DENND1B: variants seen among roughly 807,000 people sequenced by gnomAD.
DENND1B encodes DENN domain-containing protein 1B.
Under a neutral mutation model 90.1 loss-of-function variants are expected in DENND1B, and 59 were observed. That is an observed-to-expected ratio of 0.65 (90% CI 0.53 to 0.81). DENND1B has a LOEUF of 0.81. DENND1B is among the 40% of genes least tolerant of loss of function. DENND1B has a pLI of 0.00. For missense variants in DENND1B, 862 were observed against 912.6 expected (o/e 0.94, Z 0.71); for synonymous variants, 337 against 324.6 (o/e 1.04, Z -0.41).
intron 6 of DENND1B, among the ~76,000 whole-genome samples, chr1:197,653,085 G>A (rs187740654): frequency 2.5e-4 from 38 of 151,618 alleles, no homozygotes; most frequent in Admixed American, 1.3e-3. Context: ...GACTTCTCAC[G>A]ATCTTTCTTA....
At chr1:197,688,579 C>G (rs529937335) in intron 3 of DENND1B, among the ~76,000 whole-genome samples, 2 of 152,164 alleles carry the variant, frequency 1.3e-5, no homozygotes, top group South Asian at 2.1e-4. Flanking sequence ...CAAGGATAGT[C>G]TCTTCAACAA....
intron 16 of DENND1B, among the ~76,000 whole-genome samples, chr1:197,547,190 C>A (rs943881029): frequency 6.6e-6 from 1 of 152,100 alleles, no homozygotes; most frequent in Non-Finnish European, 1.5e-5. Flanking sequence ...ACTGTTTGAG[C>A]CCAGGAGTTC....
At chr1:197,714,291 C>G (rs1660406806) in intron 3 of DENND1B, among the ~76,000 whole-genome samples, 1 of 151,678 alleles carries the variant, frequency 6.6e-6, no homozygotes, top group East Asian at 1.9e-4. Flanking sequence ...TTTTAAAAAG[C>G]AAAAAATTGG....
intron 10 of DENND1B, among the ~76,000 whole-genome samples, chr1:197,618,447 C>T (rs1429466541): frequency 1.3e-5 from 2 of 151,132 alleles, no homozygotes; most frequent in Non-Finnish European, 3.0e-5. Flanking sequence ...ATTTTGTTTC[C>T]TAGCTTTATA....
At chr1:197,680,443 AC>A (rs1426464094) in intron 3 of DENND1B, among the ~76,000 whole-genome samples, 2 of 152,196 alleles carry the variant, frequency 1.3e-5, no homozygotes, top group Middle Eastern at 3.2e-3. Context: ...AGATAAGTAG[AC>A]TTAAGATAAG....
chr1:197,691,037 C>T (rs1657819220), intron 3 of DENND1B, among the ~76,000 whole-genome samples: 2 of 151,862 alleles, frequency 1.3e-5, no homozygotes, highest in South Asian at 2.1e-4. Context: ...GGCTACAACA[C>T]CAATCATGGA....
chr1:197,571,284 T>C (rs2125733598), intron 15 of DENND1B, among the ~76,000 whole-genome samples: 1 of 152,340 alleles, frequency 6.6e-6, no homozygotes, highest in Non-Finnish European at 1.5e-5. Flanking sequence ...ACTGTTCCAT[T>C]TAGAATAAAA....
chr1:197,763,137 C>T (rs891462637), intron 2 of DENND1B, among the ~76,000 whole-genome samples: 8 of 152,002 alleles, frequency 5.3e-5, no homozygotes, highest in African/African-American at 1.9e-4. Context: ...AGAGTGAGAC[C>T]CCATCTGTAC....
chr1:197,776,223 C>T (rs777260583), upstream of DENND1B, among the ~76,000 whole-genome samples: 2 of 152,214 alleles, frequency 1.3e-5, no homozygotes, highest in African/African-American at 2.4e-5. Context: ...TATGTGCACT[C>T]TCACCCAGTA....
intron 11 of DENND1B, among the ~76,000 whole-genome samples, chr1:197,616,913 T>TC (rs145459399): frequency 1.3e-5 from 2 of 150,730 alleles, no homozygotes; most frequent in Non-Finnish European, 3.0e-5. Flanking sequence ...AGATAACATT[T>TC]CCCCCCCTAG....
chr1:197,643,539 T>A (rs1558345892), intron 9 of DENND1B, among the ~76,000 whole-genome samples: 1 of 152,166 alleles, frequency 6.6e-6, no homozygotes, highest in African/African-American at 2.4e-5. Flanking sequence ...ACAATACATT[T>A]GAGTCTTTTC....
chr1:197,571,929 A>G (rs1558255504), intron 15 of DENND1B, among the ~76,000 whole-genome samples: 1 of 152,180 alleles, frequency 6.6e-6, no homozygotes, highest in Non-Finnish European at 1.5e-5. Context: ...ATGAATAAAA[A>G]TCTAAAGGAG....
chr1:197,671,902 T>C lies in DENND1B; in HGVS notation c.296+135A>G, dbSNP rs192674861. On this transcript the variant is annotated intron_variant, in intron 5 of 22. Transcript: ENST00000620048. ...ATCTTTAAACTTAACTGATTCTGTA[T>C]ACAGAAAATCAGGAAAATTATTTTT... 1,678 of 891,342 alleles carry C rather than the reference T, an allele frequency of 1.9e-3. 10 individuals are homozygous for C. Among genetic ancestry groups the C allele is most frequent in the South Asian group, 5.4e-3 (220 of 40,718 alleles). 55.2% of individuals were successfully genotyped at this position (891,342 alleles called of 1,614,324 possible).
chr1:197,550,028 A>T (rs1362001938), intron 16 of DENND1B, among the ~76,000 whole-genome samples: 1 of 152,186 alleles, frequency 6.6e-6, no homozygotes, highest in Non-Finnish European at 1.5e-5. Context: ...ATTAACAAAA[A>T]TAGTGTATAA....
intron 16 of DENND1B, among the ~76,000 whole-genome samples, chr1:197,548,586 A>T (rs1670986885): frequency 6.6e-6 from 1 of 152,176 alleles, no homozygotes. Context: ...ATGATGTATT[A>T]TTCAGCCATG....
intron 14 of DENND1B, among the ~76,000 whole-genome samples, chr1:197,588,416 C>G (rs570377386): frequency 6.6e-6 from 1 of 152,202 alleles, no homozygotes; most frequent in East Asian, 1.9e-4. Flanking sequence ...CTTATACTAT[C>G]AGGACGTGTA....
At chr1:197,686,419 T>G (rs1286016440) in intron 3 of DENND1B, among the ~76,000 whole-genome samples, 1 of 152,140 alleles carries the variant, frequency 6.6e-6, no homozygotes, top group Non-Finnish European at 1.5e-5. Flanking sequence ...CTTGAAAGCA[T>G]AATACATTCA....
rs181570935 is a variant in DENND1B, at chr1:197,568,998, C to A, written c.1149+14154G>T. ...GGAAATAACAGAGTGAAGAGACAAT[C>A]TCTGCAATGGGAGAAAATATTTGTA... On this transcript the variant is annotated intron_variant, in intron 15 of 22. Transcript: ENST00000620048. Among the ~76,000 whole-genome samples the A allele has an allele frequency of 3.1e-3, 474 of 152,028 alleles. 3 individuals are homozygous for A. Among genetic ancestry groups the A allele is most frequent in the African/African-American group, 0.01 (420 of 41,502 alleles).
chr1:197,581,794 C>T (rs1674266387), intron 15 of DENND1B, among the ~76,000 whole-genome samples: 1 of 152,054 alleles, frequency 6.6e-6, no homozygotes, highest in South Asian at 2.1e-4. Flanking sequence ...CCATTCAATC[C>T]CTAACCCCCA....
Sources: gnomAD v4.1 joint callset for allele counts (sites outside exome capture counted in the v4.1 genomes callset) on GRCh38, gnomAD v4.1.1 for gene constraint, MANE v1.5 for transcripts, NCBI Gene and HGNC (gene_info 2026-07-23, HGNC 2026-07-21) for gene names.